ELOVL7: variants seen among roughly 807,000 people sequenced by gnomAD.
The protein encoded by ELOVL7 is very long chain fatty acid elongase 7.
ELOVL7 carries 27 observed loss-of-function variants against 35.7 expected under a neutral mutation model. The observed-to-expected ratio is 0.76, with a 90% confidence interval of 0.56 to 1.04. The LOEUF is 1.04. Among genes scored for constraint, ELOVL7 ranks in the 50% least tolerant of loss-of-function variants. The pLI, the probability that ELOVL7 is intolerant of heterozygous loss-of-function variation, is 0.00. For missense variants in ELOVL7, 327 were observed against 340.8 expected (o/e 0.96, Z 0.32); for synonymous variants, 113 against 114.6 (o/e 0.99, Z 0.09).
chr5:60,836,930 T>C (rs1404455148), intron 1 of ELOVL7, among the ~76,000 whole-genome samples: 1 of 151,958 alleles, frequency 6.6e-6, no homozygotes, highest in African/African-American at 2.4e-5. Flanking sequence ...TAGGGCCTCC[T>C]ATATTCTCAA....
chr5:60,828,220 A>C (rs373324266), intron 1 of ELOVL7, among the ~76,000 whole-genome samples: 1 of 152,064 alleles, frequency 6.6e-6, no homozygotes, highest in East Asian at 1.9e-4. Flanking sequence ...GATTCCTGAT[A>C]ATCTTTCAGC....
chr5:60,820,556 C>T (rs1745822206), intron 1 of ELOVL7, among the ~76,000 whole-genome samples: 2 of 152,292 alleles, frequency 1.3e-5, no homozygotes, highest in South Asian at 4.1e-4. Flanking sequence ...AGTACTTCAG[C>T]CCAATGGACA....
At chr5:60,829,277 G>A (rs537461808) in intron 1 of ELOVL7, among the ~76,000 whole-genome samples, 239 of 152,172 alleles carry the variant, frequency 1.6e-3, no homozygotes, top group African/African-American at 5.4e-3. Context: ...ACAAGAAGCC[G>A]CAAAGCAGTT....
chr5:60,806,278 T>C (rs1181715246), intron 1 of ELOVL7, among the ~76,000 whole-genome samples: 1 of 152,196 alleles, frequency 6.6e-6, no homozygotes, highest in African/African-American at 2.4e-5. Flanking sequence ...AACTACCTAG[T>C]TTATGGCACT....
chr5:60,758,688 CAGT>C (rs1354400140), intron 7 of ELOVL7, among the ~76,000 whole-genome samples: 1 of 152,106 alleles, frequency 6.6e-6, no homozygotes, highest in Non-Finnish European at 1.5e-5. Context: ...TTAGCTGGAC[CAGT>C]AATACAGCAG....
intron 1 of ELOVL7, chr5:60,802,786 T>C (rs977216047): frequency 4.6e-5 from 7 of 152,218 alleles, no homozygotes; most frequent in Admixed American, 2.6e-4. Flanking sequence ...ACTAAACACC[T>C]AACTTTCTAT....
chr5:60,761,080 A>G (rs1444312968), intron 7 of ELOVL7, among the ~76,000 whole-genome samples: 1 of 152,138 alleles, frequency 6.6e-6, no homozygotes, highest in Non-Finnish European at 1.5e-5. Context: ...TGTTTTTTGT[A>G]TCTTCTTTGG....
At chr5:60,796,116 T>C (rs538308653) in intron 2 of ELOVL7, among the ~76,000 whole-genome samples, 1 of 152,340 alleles carries the variant, frequency 6.6e-6, no homozygotes, top group East Asian at 1.9e-4. Flanking sequence ...ATAAACTTCT[T>C]AGTAAGAATT....
chr5:60,837,875 G>T (rs1746921473), intron 1 of ELOVL7, among the ~76,000 whole-genome samples: 2 of 152,190 alleles, frequency 1.3e-5, no homozygotes. Context: ...ACGGGAGGTT[G>T]CAGTAAGCCA....
At chr5:60,800,292 G>C (rs954251581) in intron 1 of ELOVL7, among the ~76,000 whole-genome samples, 12 of 152,192 alleles carry the variant, frequency 7.9e-5, no homozygotes, top group Non-Finnish European at 1.8e-4. Flanking sequence ...CTATGATCAA[G>C]TGGGATTTAT....
At chr5:60,786,372 T>C (rs1743585847) in intron 3 of ELOVL7, among the ~76,000 whole-genome samples, 1 of 152,206 alleles carries the variant, frequency 6.6e-6, no homozygotes, top group African/African-American at 2.4e-5. Context: ...CAAATATAAC[T>C]ACGGAAATAA....
In ELOVL7 at chr5:60,752,249, T is replaced by A. The variant is rs1741318208; in HGVS notation, c.*2375A>T. ...ATGTTGATGTTTCTATGGAGGATACTTCTAGCAGCTGTGATTTCTTTTGTA... is the reference window on the plus strand; with the variant it reads ...ATGTTGATGTTTCTATGGAGGATACATCTAGCAGCTGTGATTTCTTTTGTA... On this transcript the variant is annotated 3_prime_UTR_variant, in exon 9 of 9. Transcript: ENST00000508821. 6.6e-6 allele frequency: 1 copy of A among 152,594 alleles called. No individual in the cohort carries two copies. Among genetic ancestry groups the A allele is most frequent in the African/African-American group, 2.4e-5 (1 of 41,460 alleles). The allele number at this position is 152,594 out of a possible 1,614,324, so 9.5% of individuals were successfully genotyped here. A position where few individuals can be genotyped will look rare whatever the true frequency, so the allele number is the denominator to read the frequency against.
intron 6 of ELOVL7, 145 bp from the exon 7 acceptor site, chr5:60,764,477 C>T: frequency 1.6e-6 from 1 of 628,302 alleles, no homozygotes. Flanking sequence ...ACAGAAGCAG[C>T]TAATTCCCCA....
chr5:60,777,030 G>A (rs1374284605), intron 3 of ELOVL7, among the ~76,000 whole-genome samples: 1 of 151,656 alleles, frequency 6.6e-6, no homozygotes, highest in Non-Finnish European at 1.5e-5. Flanking sequence ...CTTATATGTG[G>A]GATGTAAGAA....
intron 1 of ELOVL7, among the ~76,000 whole-genome samples, chr5:60,811,834 A>T (rs1579897260): frequency 6.6e-6 from 1 of 152,318 alleles, no homozygotes; most frequent in East Asian, 1.9e-4. Context: ...TACATGACCC[A>T]TTCTTTAGTA....
intron 7 of ELOVL7, among the ~76,000 whole-genome samples, chr5:60,758,112 T>C (rs1199881618): frequency 6.6e-6 from 1 of 152,162 alleles, no homozygotes; most frequent in Non-Finnish European, 1.5e-5. Context: ...TCCCATGTGC[T>C]CCTTCCAAGA....
intron 3 of ELOVL7, among the ~76,000 whole-genome samples, chr5:60,784,752 A>C (rs1743467471): frequency 6.6e-6 from 1 of 152,198 alleles, no homozygotes; most frequent in African/African-American, 2.4e-5. Flanking sequence ...TACTACACTA[A>C]GTAGAAGGAA....
chr5:60,839,199 T>A (rs925360041), intron 1 of ELOVL7, among the ~76,000 whole-genome samples: 3 of 151,370 alleles, frequency 2.0e-5, no homozygotes, highest in African/African-American at 7.3e-5. Context: ...AAATAAATAA[T>A]TAGCTGGGCA....
chr5:60,821,196 TC>T (rs1344423267), intron 1 of ELOVL7, among the ~76,000 whole-genome samples: 2 of 152,300 alleles, frequency 1.3e-5, no homozygotes, highest in Admixed American at 1.3e-4. Context: ...TCAAAATCCT[TC>T]AAAGTCTGCC....
Sources: gnomAD v4.1 joint callset for allele counts (sites outside exome capture counted in the v4.1 genomes callset) on GRCh38, gnomAD v4.1.1 for gene constraint, MANE v1.5 for transcripts, NCBI Gene and HGNC (gene_info 2026-07-23, HGNC 2026-07-21) for gene names.